Variants in CAPS2 observed in about 807,000 individuals in gnomAD.
CAPS2 encodes calcyphosine 2, also known as calcyphosin-2.
CAPS2 carries 98 observed loss-of-function variants against 86.5 expected under a neutral mutation model. That is an observed-to-expected ratio of 1.13 (90% CI 0.96 to 1.34). CAPS2 has a LOEUF of 1.34. CAPS2 is among the 40% of genes most tolerant of loss of function. The pLI, the probability that CAPS2 is intolerant of heterozygous loss-of-function variation, is 0.00. For synonymous variants in CAPS2, 210 were observed against 225.1 expected (o/e 0.93, Z 0.60); for missense variants, 729 against 686.8 (o/e 1.06, Z -0.69).
intron 8 of CAPS2, among the ~76,000 whole-genome samples, chr12:75,300,819 T>C (rs2037725177): frequency 6.6e-6 from 1 of 152,046 alleles, no homozygotes; most frequent in Admixed American, 6.5e-5. Context: ...GTAACATCAC[T>C]AAGCTACTGA....
At chr12:75,305,239 A>C (rs1001215183) in intron 7 of CAPS2, among the ~76,000 whole-genome samples, 2 of 152,204 alleles carry the variant, frequency 1.3e-5, no homozygotes, top group Non-Finnish European at 2.9e-5. Flanking sequence ...AAATGCCACA[A>C]CAGAAATTCA....
intron 7 of CAPS2, 129 bp downstream of exon 7, chr12:75,312,719 A>C: frequency 1.7e-6 from 1 of 593,646 alleles, no homozygotes; most frequent in Non-Finnish European, 3.0e-6. Flanking sequence ...CGGTGCAGTA[A>C]ACAGAGAAAG....
At chr12:75,382,902 G>A (rs2139824984) in intron 1 of CAPS2, among the ~76,000 whole-genome samples, 1 of 152,234 alleles carries the variant, frequency 6.6e-6, no homozygotes. Flanking sequence ...TCCTTGTAAA[G>A]AAATAAATGA....
upstream of CAPS2, chr12:75,334,925 C>T (rs765976740): frequency 6.2e-7 from 1 of 1,603,956 alleles, no homozygotes; most frequent in South Asian, 1.1e-5. Flanking sequence ...CAGGGCTGGG[C>T]TCTTAAATCC....
At chr12:75,306,906 A>C (rs12426428) in intron 7 of CAPS2, among the ~76,000 whole-genome samples, 1 of 152,154 alleles carries the variant, frequency 6.6e-6, no homozygotes, top group Admixed American at 6.5e-5. Context: ...TGTTAAAGTA[A>C]ACATTAAAGA....
At chr12:75,374,633 G>T (rs969464006) in intron 1 of CAPS2, among the ~76,000 whole-genome samples, 16 of 152,196 alleles carry the variant, frequency 1.1e-4, no homozygotes, top group Admixed American at 5.2e-4. Flanking sequence ...GATACCTTGT[G>T]AAAGGGAAAA....
At chr12:75,353,479 G>A (rs1317938048) in intron 1 of CAPS2, among the ~76,000 whole-genome samples, 1 of 152,150 alleles carries the variant, frequency 6.6e-6, no homozygotes, top group Non-Finnish European at 1.5e-5. Context: ...CCAATAACAA[G>A]TTCTGAAATT....
chr12:75,345,127 T>C (rs1461365439), intron 1 of CAPS2, among the ~76,000 whole-genome samples: 3 of 152,098 alleles, frequency 2.0e-5, no homozygotes, highest in African/African-American at 7.2e-5. Flanking sequence ...TACTATGCCA[T>C]CTAAACTTCT....
chr12:75,289,428 C>T (rs1197845021), intron 14 of CAPS2, among the ~76,000 whole-genome samples, 193 bp downstream of exon 14: 1 of 152,170 alleles, frequency 6.6e-6, no homozygotes, highest in Non-Finnish European at 1.5e-5. Context: ...GGTTATTAAG[C>T]TCTTTATAAA....
At chr12:75,298,506 T>G in intron 11 of CAPS2, 181 bp downstream of exon 11, 1 of 527,862 alleles carries the variant, frequency 1.9e-6, no homozygotes, top group Non-Finnish European at 3.4e-6. Flanking sequence ...GACTTGAGAT[T>G]TGGGGCTGGG....
intron 1 of CAPS2, among the ~76,000 whole-genome samples, chr12:75,357,626 ACATTTAAAT>A (rs1270025840): frequency 6.6e-6 from 1 of 152,140 alleles, no homozygotes; most frequent in African/African-American, 2.4e-5. Flanking sequence ...AGATCTTGAT[ACATTTAAAT>A]GTATTAAAAT....
chr12:75,301,593 T>C (rs1201884993), intron 8 of CAPS2, among the ~76,000 whole-genome samples: 3 of 152,208 alleles, frequency 2.0e-5, no homozygotes, highest in Non-Finnish European at 2.9e-5. Context: ...GAGGTGTTAT[T>C]ATTCCCATTT....
intron 14 of CAPS2, 42 bp from the exon 15 acceptor site, chr12:75,285,122 T>C: frequency 6.3e-7 from 1 of 1,586,142 alleles, no homozygotes; most frequent in Non-Finnish European, 8.6e-7. Context: ...TTAAGTTACA[T>C]ATCGTCACAA....
chr12:75,342,052 T>C (rs547277333), intron 1 of CAPS2, among the ~76,000 whole-genome samples: 1 of 152,262 alleles, frequency 6.6e-6, no homozygotes, highest in African/African-American at 2.4e-5. Context: ...CACCTATTTA[T>C]ACAACATTCT....
At chr12:75,329,895 G>A, upstream of CAPS2, 7 of 1,542,654 alleles carry the variant, frequency 4.5e-6, no homozygotes, top group South Asian at 1.2e-5. Flanking sequence ...CAGGACAGGC[G>A]AGGGGCACAA....
At chr12:75,311,432 T>C (rs1416688047) in intron 7 of CAPS2, among the ~76,000 whole-genome samples, 2 of 151,982 alleles carry the variant, frequency 1.3e-5, no homozygotes, top group Non-Finnish European at 2.9e-5. Context: ...AATTAAAGAT[T>C]TGGTCATGGA....
chr12:75,284,119 A>G (rs1162141936), intron 15 of CAPS2, among the ~76,000 whole-genome samples: 1 of 152,174 alleles, frequency 6.6e-6, no homozygotes, highest in East Asian at 1.9e-4. Context: ...CAAGCCTCCA[A>G]TTTCTACACC....
At chr12:75,340,205 G>T (rs1179861753) in intron 1 of CAPS2, among the ~76,000 whole-genome samples, 1 of 150,790 alleles carries the variant, frequency 6.6e-6, no homozygotes, top group Non-Finnish European at 1.5e-5. Context: ...CTTATTGGTT[G>T]ATGGGCATTT....
intron 1 of CAPS2, among the ~76,000 whole-genome samples, chr12:75,383,361 T>C (rs1593947808): frequency 6.6e-6 from 1 of 152,146 alleles, no homozygotes; most frequent in Admixed American, 6.5e-5. Context: ...TTTACAACAC[T>C]AATCAAAAGA....
Sources: allele counts gnomAD v4.1 joint callset (sites outside exome capture counted in the v4.1 genomes callset), GRCh38; gene constraint gnomAD v4.1.1; transcripts MANE v1.5; gene names NCBI Gene and HGNC (gene_info 2026-07-23, HGNC 2026-07-21).